The following SV2C variants were observed in gnomAD, a reference collection of about 807,000 sequenced individuals.
SV2C encodes the protein solute carrier family 22 member B3.
SV2C carries 49 observed loss-of-function variants against 79.7 expected under a neutral mutation model. That is an observed-to-expected ratio of 0.61 (90% CI 0.49 to 0.78). The LOEUF (loss-of-function observed/expected upper bound fraction) is 0.78. Ranked by LOEUF, SV2C falls within the 30% of genes least tolerant of loss-of-function variation. The pLI is 0.00. For missense variants in SV2C, 833 were observed against 912.9 expected (o/e 0.91, Z 1.13); for synonymous variants, 334 against 333.2 (o/e 1.00, Z -0.03).
At chr5:76,085,587 G>T (rs1323371211) in intron 1 of SV2C, among the ~76,000 whole-genome samples, 3 of 152,154 alleles carry the variant, frequency 2.0e-5, no homozygotes, top group Non-Finnish European at 4.4e-5. Flanking sequence ...CAATTATCAA[G>T]GAACCCAGAG....
intron 1 of SV2C, among the ~76,000 whole-genome samples, chr5:76,091,045 T>C (rs1255600474): frequency 6.6e-6 from 1 of 152,246 alleles, no homozygotes; most frequent in African/African-American, 2.4e-5. Context: ...TTGTGCTTCA[T>C]ATCTAAGAAG....
the SV2C span, among the ~76,000 whole-genome samples, chr5:76,054,279 T>G: frequency 4.9e-4 from 74 of 152,226 alleles, no homozygotes; most frequent in African/African-American, 1.7e-3. Context: ...TTGCTGAGGG[T>G]GATAGTTTCA....
chr5:75,880,994 G>T, the SV2C span, among the ~76,000 whole-genome samples: 16 of 152,170 alleles, frequency 1.1e-4, no homozygotes, highest in Admixed American at 5.2e-4. Flanking sequence ...AGGGGGAACA[G>T]ATCTCACATG....
chr5:75,955,899 G>A, the SV2C span, among the ~76,000 whole-genome samples: 1 of 152,124 alleles, frequency 6.6e-6, no homozygotes, highest in Non-Finnish European at 1.5e-5. Flanking sequence ...GGAAACAACA[G>A]GTGTTGGAGA....
intron 12 of SV2C, among the ~76,000 whole-genome samples, chr5:76,352,674 A>C (rs955612418): frequency 6.6e-6 from 1 of 152,218 alleles, no homozygotes; most frequent in African/African-American, 2.4e-5. Context: ...GTATTCTGTT[A>C]TAGCAGCACA....
intron 1 of SV2C, among the ~76,000 whole-genome samples, chr5:76,094,523 T>A (rs955421158): frequency 3.3e-5 from 5 of 152,216 alleles, no homozygotes; most frequent in Non-Finnish European, 7.4e-5. Context: ...GAATGCATAG[T>A]ATTACATTAT....
At chr5:76,311,450 CT>C (rs1312697847) in intron 12 of SV2C, 1 of 152,160 alleles carries the variant, frequency 6.6e-6, no homozygotes, top group Non-Finnish European at 1.5e-5. Context: ...GGAATTTGTC[CT>C]TGATTGTGAG....
chr5:75,914,116 A>G, the SV2C span, among the ~76,000 whole-genome samples: 1 of 152,142 alleles, frequency 6.6e-6, no homozygotes, highest in African/African-American at 2.4e-5. Context: ...AGCTAACCCC[A>G]TATTGTCTTC....
intron 4 of SV2C, among the ~76,000 whole-genome samples, chr5:76,273,146 G>GATATATATATATATATAT (rs369657969): frequency 1.8e-4 from 23 of 129,088 alleles, no homozygotes; most frequent in African/African-American, 6.4e-4. Context: ...TTACAAAAAA[G>GATATATATATATATATAT]ATATATATAT....
intron 2 of SV2C, among the ~76,000 whole-genome samples, chr5:76,139,825 CT>C: frequency 6.7e-6 from 1 of 148,430 alleles, no homozygotes; most frequent in South Asian, 2.2e-4. Flanking sequence ...TTTTACTTGA[CT>C]TTTTTCCATT....
chr5:75,898,847 G>T, the SV2C span, among the ~76,000 whole-genome samples: 3,128 of 152,060 alleles, frequency 0.021, 118 homozygotes, highest in African/African-American at 0.071. Context: ...TTTTCTAGTT[G>T]ATTTGCGTAG....
chr5:76,306,873 A>C (rs1748210910), intron 12 of SV2C, among the ~76,000 whole-genome samples: 1 of 152,250 alleles, frequency 6.6e-6, no homozygotes, highest in Non-Finnish European at 1.5e-5. Flanking sequence ...TATTATTCAG[A>C]GAAGACAATA....
chr5:76,036,626 A>C, the SV2C span, among the ~76,000 whole-genome samples: 1 of 152,156 alleles, frequency 6.6e-6, no homozygotes, highest in Non-Finnish European at 1.5e-5. Flanking sequence ...TGTTAGTCTG[A>C]TGGGCTTCCC....
chr5:76,272,857 T>C (rs1580008851), intron 4 of SV2C, among the ~76,000 whole-genome samples: 2 of 152,272 alleles, frequency 1.3e-5, no homozygotes, highest in South Asian at 4.1e-4. Context: ...ATAATTGATT[T>C]GTTATTATTC....
At chr5:76,340,237 T>C (rs934003938) in intron 12 of SV2C, among the ~76,000 whole-genome samples, 3 of 152,232 alleles carry the variant, frequency 2.0e-5, no homozygotes, top group Admixed American at 6.5e-5. Flanking sequence ...AACTAATGAA[T>C]AATCCACCCC....
At chr5:76,096,991 C>G (rs1747586667) in intron 1 of SV2C, among the ~76,000 whole-genome samples, 2 of 152,094 alleles carry the variant, frequency 1.3e-5, no homozygotes, top group South Asian at 4.1e-4. Context: ...TTATTTCTCT[C>G]TATATTTATA....
chr5:75,975,362 T>C, the SV2C span, among the ~76,000 whole-genome samples: 1 of 152,212 alleles, frequency 6.6e-6, no homozygotes, highest in East Asian at 1.9e-4. Flanking sequence ...GATGGACTTG[T>C]AAATTAATCA....
At chr5:76,171,984 T>G (rs1222377328) in intron 2 of SV2C, among the ~76,000 whole-genome samples, 93 of 49,420 alleles carry the variant, frequency 1.9e-3, no homozygotes, top group Admixed American at 2.4e-3. Context: ...GGGAGGGAGG[T>G]GGGGGGGGTC....
intron 12 of SV2C, among the ~76,000 whole-genome samples, chr5:76,316,860 C>T (rs1330279208): frequency 6.6e-6 from 1 of 152,096 alleles, no homozygotes; most frequent in Admixed American, 6.5e-5. Flanking sequence ...TTTCTATGCT[C>T]CTGGCTGCAT....
Sources: allele counts gnomAD v4.1 joint callset (sites outside exome capture counted in the v4.1 genomes callset), GRCh38; gene constraint gnomAD v4.1.1; transcripts MANE v1.5; gene names NCBI Gene and HGNC (gene_info 2026-07-23, HGNC 2026-07-21).